Variants in BLTP3B observed in about 807,000 individuals in gnomAD.
BLTP3B encodes the protein bridge-like lipid transfer protein family member 3B.
At chr12:100,091,029 CTTT>C in the BLTP3B span, among the ~76,000 whole-genome samples, 6 of 139,792 alleles carry the variant, frequency 4.3e-5, no homozygotes, top group Admixed American at 7.3e-5. Context: ...ATGAATAATC[CTTT>C]TTTTTTTTTT....
chr12:100,049,912 G>A, the BLTP3B span, among the ~76,000 whole-genome samples: 1 of 151,970 alleles, frequency 6.6e-6, no homozygotes, highest in African/African-American at 2.4e-5. Context: ...TTTTGGAGAC[G>A]AAATAAAACA....
chr12:100,088,272 G>A, the BLTP3B span, among the ~76,000 whole-genome samples: 2 of 152,088 alleles, frequency 1.3e-5, no homozygotes, highest in Non-Finnish European at 2.9e-5. Context: ...CCTACCTGCT[G>A]AACTCAACCC....
chr12:100,055,720 G>T, the BLTP3B span, among the ~76,000 whole-genome samples: 1 of 149,704 alleles, frequency 6.7e-6, no homozygotes, highest in Non-Finnish European at 1.5e-5. Context: ...GACAATCCCA[G>T]TTCTGCGTAC....
chr12:100,065,319 A>G, the BLTP3B span, among the ~76,000 whole-genome samples: 12 of 152,080 alleles, frequency 7.9e-5, no homozygotes, highest in African/African-American at 2.7e-4. Flanking sequence ...AAAAAACAGA[A>G]TAACAGCGAT....
chr12:100,091,351 C>T, the BLTP3B span, among the ~76,000 whole-genome samples: 1 of 151,560 alleles, frequency 6.6e-6, no homozygotes, highest in South Asian at 2.1e-4. Context: ...CCACGCCCAG[C>T]TAATTTTTGT....
chr12:100,124,126 T>A, the BLTP3B span, among the ~76,000 whole-genome samples: 1 of 151,632 alleles, frequency 6.6e-6, no homozygotes, highest in Admixed American at 6.6e-5. Context: ...TTTTTTTAAT[T>A]AGCCAAGCAT....
At chr12:100,058,727 G>A in the BLTP3B span, 939 of 1,613,904 alleles carry the variant, frequency 5.8e-4, 4 homozygotes, top group African/African-American at 0.011. Context: ...TAGCAGGACT[G>A]CCAGTTACAG....
the BLTP3B span, among the ~76,000 whole-genome samples, chr12:100,061,549 G>A: frequency 6.6e-6 from 1 of 151,786 alleles, no homozygotes; most frequent in Non-Finnish European, 1.5e-5. Context: ...CCCAGCTACT[G>A]GGAAGGCTGA....
At chr12:100,059,118 T>C in the BLTP3B span, 1 of 1,614,126 alleles carries the variant, frequency 6.2e-7, no homozygotes, top group Non-Finnish European at 8.5e-7. Flanking sequence ...AGGGAATGAG[T>C]CTACAAAACT....
chr12:100,124,937 TA>T, the BLTP3B span, among the ~76,000 whole-genome samples: 120 of 3,666 alleles, frequency 0.033, 1 homozygote, highest in Non-Finnish European at 0.061. Context: ...AAAAAAATTT[TA>T]TATATATATA....
chr12:100,070,103 CTA>C, the BLTP3B span: 5 of 1,497,714 alleles, frequency 3.3e-6, no homozygotes, highest in Non-Finnish European at 4.5e-6. Context: ...ATTTTACTCC[CTA>C]TGAGATGCAG....
At chr12:100,051,416 A>G in the BLTP3B span, 3 of 458,328 alleles carry the variant, frequency 6.5e-6, no homozygotes, top group African/African-American at 6.0e-5. Context: ...AATATTTCTC[A>G]AACTATCTGT....
At chr12:100,142,844 C>T in the BLTP3B span, 2 of 618,544 alleles carry the variant, frequency 3.2e-6, no homozygotes, top group Non-Finnish European at 5.2e-6. Context: ...CCGCGGGCGC[C>T]ATCTTGGCTG....
the BLTP3B span, among the ~76,000 whole-genome samples, chr12:100,131,962 T>C: frequency 7.9e-5 from 12 of 152,306 alleles, no homozygotes; most frequent in African/African-American, 2.9e-4. Flanking sequence ...GCTAATTTTT[T>C]GTATTTTTAA....
chr12:100,118,416 A>G, the BLTP3B span, among the ~76,000 whole-genome samples: 1 of 152,160 alleles, frequency 6.6e-6, no homozygotes, highest in South Asian at 2.1e-4. Context: ...AAACAAAACA[A>G]AAAACTCTCA....
chr12:100,098,229 C>T, the BLTP3B span: 6 of 1,079,140 alleles, frequency 5.6e-6, 1 homozygote, highest in Admixed American at 1.4e-4. Context: ...CCGCACCCTC[C>T]CCAAAAAAAG....
chr12:100,045,387 T>C, the BLTP3B span, among the ~76,000 whole-genome samples: 1 of 151,448 alleles, frequency 6.6e-6, no homozygotes, highest in Admixed American at 6.6e-5. Context: ...GATACATAGA[T>C]CAGTGGAACA....
At chr12:100,082,980 G>A in the BLTP3B span, 2 of 1,489,658 alleles carry the variant, frequency 1.3e-6, no homozygotes, top group South Asian at 1.2e-5. Flanking sequence ...ATACTAAAGT[G>A]TTTATGAGAA....
the BLTP3B span, among the ~76,000 whole-genome samples, chr12:100,116,566 C>A: frequency 7.3e-5 from 11 of 151,556 alleles, no homozygotes; most frequent in South Asian, 4.2e-4. Flanking sequence ...TAACTCTCAA[C>A]AAGACAGGAA....
Sources: gnomAD v4.1 joint callset for allele counts (sites outside exome capture counted in the v4.1 genomes callset) on GRCh38, gnomAD v4.1.1 for gene constraint, MANE v1.5 for transcripts, NCBI Gene and HGNC (gene_info 2026-07-23, HGNC 2026-07-21) for gene names.